The following MAP4K5 variants were observed in gnomAD, a reference collection of about 807,000 sequenced individuals.
MAP4K5 encodes mitogen-activated protein kinase kinase kinase kinase 5.
Under a neutral mutation model 135.6 loss-of-function variants are expected in MAP4K5, and 82 were observed. The observed-to-expected ratio is 0.60, with a 90% confidence interval of 0.51 to 0.73. The LOEUF (loss-of-function observed/expected upper bound fraction) is 0.73. MAP4K5 is among the 30% of genes least tolerant of loss of function. The pLI, the probability that MAP4K5 is intolerant of heterozygous loss-of-function variation, is 0.00. For missense variants in MAP4K5, 907 were observed against 1,010.9 expected (o/e 0.90, Z 1.39); for synonymous variants, 347 against 335.0 (o/e 1.04, Z -0.39).
At chr14:50,552,971 A>G (rs930934590) in intron 1 of MAP4K5, among the ~76,000 whole-genome samples, 3 of 152,196 alleles carry the variant, frequency 2.0e-5, no homozygotes, top group South Asian at 4.1e-4. Flanking sequence ...CATGACTAAG[A>G]ATCCGAAAGC....
intron 3 of MAP4K5, among the ~76,000 whole-genome samples, chr14:50,495,360 A>G (rs2037570098): frequency 6.6e-6 from 1 of 152,186 alleles, no homozygotes; most frequent in Non-Finnish European, 1.5e-5. Context: ...AAATAAAACC[A>G]CAATGAGATA....
At chr14:50,489,819 T>C (rs2037442503) in intron 3 of MAP4K5, among the ~76,000 whole-genome samples, 1 of 152,158 alleles carries the variant, frequency 6.6e-6, no homozygotes, top group Non-Finnish European at 1.5e-5. Flanking sequence ...AGCAGAATCA[T>C]AATAAAAGTG....
chr14:50,472,252 T>C (rs575699749), intron 9 of MAP4K5: 1 of 152,614 alleles, frequency 6.6e-6, no homozygotes, highest in East Asian at 1.9e-4. Context: ...ACCTTATGAT[T>C]GTAAGACATG....
chr14:50,539,432 T>A (rs2038534076), intron 2 of MAP4K5, among the ~76,000 whole-genome samples: 1 of 152,218 alleles, frequency 6.6e-6, no homozygotes, highest in South Asian at 2.1e-4. Context: ...CTTGACAGCT[T>A]TGAAGAAATC....
At chr14:50,506,605 A>G (rs982261351) in intron 2 of MAP4K5, among the ~76,000 whole-genome samples, 5 of 152,148 alleles carry the variant, frequency 3.3e-5, no homozygotes, top group African/African-American at 1.2e-4. Flanking sequence ...TAATTTGCCC[A>G]TCTTGGCCTC....
At chr14:50,512,129 C>T (rs2037942633) in intron 2 of MAP4K5, among the ~76,000 whole-genome samples, 1 of 152,030 alleles carries the variant, frequency 6.6e-6, no homozygotes, top group South Asian at 2.1e-4. Flanking sequence ...AAAGACAAAA[C>T]TATACAGGAA....
At chr14:50,507,114 G>A (rs970469936) in intron 2 of MAP4K5, among the ~76,000 whole-genome samples, 6 of 152,160 alleles carry the variant, frequency 3.9e-5, no homozygotes, top group African/African-American at 1.2e-4. Flanking sequence ...GATGAATTCC[G>A]TAATAATGAT....
At chr14:50,471,666 A>C (rs1210659124) in intron 9 of MAP4K5, 1 of 152,160 alleles carries the variant, frequency 6.6e-6, no homozygotes, top group Non-Finnish European at 1.5e-5. Flanking sequence ...AACGCTATGA[A>C]TGTAGGGAAT....
Position 50,443,923 on chromosome 14 carries a change from T to C in MAP4K5, c.1437+16A>G. ...GTATTATTTACAACTAATTGCTAAA[T>C]GCCTGTTATACCTACAGGGAAGTCT... On this transcript the variant is annotated intron_variant, in intron 19 of 32. Coordinates refer to ENST00000682126, the MANE Select transcript of MAP4K5 (RefSeq NM_006575.6). 6.3e-7 allele frequency: 1 copy of C among 1,579,026 alleles called. No homozygotes were observed. Among genetic ancestry groups the C allele is most frequent in the Non-Finnish European group, 8.7e-7 (1 of 1,154,740 alleles).
In MAP4K5 at chr14:50,508,259, C is replaced by A. The variant is rs137903771; in HGVS notation, c.109-3402G>T. ...TATAAATCATGCTGCCATAAAGACA[C>A]ATGCACACATATGTTTATTGTGGCA... is the stretch of plus-strand genomic sequence containing the variant. On this transcript the variant is annotated intron_variant, in intron 2 of 32. Coordinates refer to ENST00000682126, the MANE Select transcript of MAP4K5 (RefSeq NM_006575.6). 3.4e-3 allele frequency among the ~76,000 whole-genome samples: 517 copies of A among 152,242 alleles called. 2 individuals carry two copies. Among genetic ancestry groups the A allele is most frequent in the Middle Eastern group, 0.01 (3 of 294 alleles).
chr14:50,518,276 T>C (rs1391501585), intron 2 of MAP4K5, among the ~76,000 whole-genome samples: 1 of 152,142 alleles, frequency 6.6e-6, no homozygotes, highest in Non-Finnish European at 1.5e-5. Context: ...TTTTTTTTTA[T>C]TTTTACTTTA....
intron 1 of MAP4K5, among the ~76,000 whole-genome samples, chr14:50,546,152 AAG>A (rs1247029947): frequency 6.6e-6 from 1 of 152,240 alleles, no homozygotes; most frequent in Non-Finnish European, 1.5e-5. Context: ...AAGAGGGTAA[AAG>A]AAGTTTTTTA....
At chr14:50,509,497 A>G (rs538260584) in intron 2 of MAP4K5, among the ~76,000 whole-genome samples, 2 of 152,310 alleles carry the variant, frequency 1.3e-5, no homozygotes, top group African/African-American at 2.4e-5. Flanking sequence ...TTTCTCCGTG[A>G]TAATTTTCAA....
intron 3 of MAP4K5, among the ~76,000 whole-genome samples, chr14:50,501,596 G>C (rs1195695472): frequency 6.6e-6 from 1 of 151,980 alleles, no homozygotes; most frequent in Non-Finnish European, 1.5e-5. Flanking sequence ...CAACAACCTA[G>C]AAAGGATAAT....
chr14:50,469,392 C>G (rs1037662834), intron 9 of MAP4K5, among the ~76,000 whole-genome samples: 1 of 152,106 alleles, frequency 6.6e-6, no homozygotes, highest in African/African-American at 2.4e-5. Context: ...TAGAGAAAGT[C>G]TCAAAAGTGT....
chr14:50,544,262 A>T (rs142690900), intron 1 of MAP4K5, among the ~76,000 whole-genome samples: 70 of 152,356 alleles, frequency 4.6e-4, no homozygotes, highest in African/African-American at 1.6e-3. Flanking sequence ...AGTGGAAGCC[A>T]TGATGATCAC....
At chr14:50,555,605 C>T (rs1234760548) in intron 1 of MAP4K5, among the ~76,000 whole-genome samples, 1 of 152,090 alleles carries the variant, frequency 6.6e-6, no homozygotes, top group East Asian at 1.9e-4. Flanking sequence ...ATTTTGAAGC[C>T]ACGGTATTAT....
chr14:50,423,048 A>G (rs2035767674), intron 32 of MAP4K5, 73 bp downstream of exon 32: 2 of 664,768 alleles, frequency 3.0e-6, no homozygotes, highest in South Asian at 4.6e-5. Context: ...AAACAATTAC[A>G]GACTGACAGT....
At chr14:50,552,447 C>T (rs540468646) in intron 1 of MAP4K5, among the ~76,000 whole-genome samples, 2 of 152,154 alleles carry the variant, frequency 1.3e-5, no homozygotes, top group Admixed American at 1.3e-4. Flanking sequence ...CTGCCAAAAG[C>T]AATATACAGA....
Sources: gnomAD v4.1 joint callset for allele counts (sites outside exome capture counted in the v4.1 genomes callset) on GRCh38, gnomAD v4.1.1 for gene constraint, MANE v1.5 for transcripts, NCBI Gene and HGNC (gene_info 2026-07-23, HGNC 2026-07-21) for gene names.